The following NEGR1 variants were observed in gnomAD, a reference collection of about 807,000 sequenced individuals.
NEGR1 encodes the protein neuronal growth regulator 1.
A neutral mutation model predicts 40.9 loss-of-function variants in NEGR1; 10 were observed. The observed-to-expected ratio is 0.24, with a 90% CI of 0.15 to 0.42. The LOEUF is 0.42. Among genes scored for constraint, NEGR1 ranks in the 10% least tolerant of loss-of-function variants. The pLI is 1.00. For synonymous variants in NEGR1, 185 were observed against 166.8 expected, an observed-to-expected ratio of 1.11 and a Z score of -0.84; for missense variants, 352 against 438.9, an observed-to-expected ratio of 0.80 and a Z score of 1.77.
intron 6 of NEGR1, among the ~76,000 whole-genome samples, chr1:71,428,850 C>A (rs1015821449): frequency 2.6e-5 from 4 of 151,656 alleles, no homozygotes; most frequent in Non-Finnish European, 5.9e-5. Flanking sequence ...CAGAGATAAG[C>A]AACAAATGTA....
intron 2 of NEGR1, among the ~76,000 whole-genome samples, chr1:71,815,732 TA>T (rs1658180660): frequency 6.6e-6 from 1 of 152,064 alleles, no homozygotes; most frequent in Non-Finnish European, 1.5e-5. Flanking sequence ...TTCTAATTAG[TA>T]GGTATCTCCC....
chr1:71,917,830 T>C (rs1661633144), intron 2 of NEGR1, among the ~76,000 whole-genome samples: 1 of 147,850 alleles, frequency 6.8e-6, no homozygotes, highest in Non-Finnish European at 1.5e-5. Flanking sequence ...AGCGGCCAAA[T>C]TGAACAGCAA....
At chr1:71,563,638 G>C (rs1648529394) in intron 6 of NEGR1, among the ~76,000 whole-genome samples, 3 of 151,972 alleles carry the variant, frequency 2.0e-5, no homozygotes, top group Admixed American at 2.0e-4. Flanking sequence ...AGATATGTAA[G>C]AGAAAGATTT....
At chr1:72,067,954 T>C (rs1647317583) in intron 1 of NEGR1, among the ~76,000 whole-genome samples, 1 of 152,182 alleles carries the variant, frequency 6.6e-6, no homozygotes, top group Admixed American at 6.5e-5. Context: ...TATTCAGTTG[T>C]GAAATGTATA....
intron 1 of NEGR1, among the ~76,000 whole-genome samples, chr1:72,142,272 CAAT>C (rs1650709723): frequency 6.6e-6 from 1 of 151,566 alleles, no homozygotes; most frequent in South Asian, 2.1e-4. Context: ...AAGCAAAACG[CAAT>C]TCTGAAAGAT....
intron 4 of NEGR1, among the ~76,000 whole-genome samples, chr1:71,623,074 T>C (rs1392211271): frequency 6.6e-6 from 1 of 151,754 alleles, no homozygotes; most frequent in African/African-American, 2.4e-5. Flanking sequence ...GCTAATATAT[T>C]CTAAAGAATT....
chr1:72,156,407 AT>A (rs1360391465), intron 1 of NEGR1, among the ~76,000 whole-genome samples: 1 of 152,148 alleles, frequency 6.6e-6, no homozygotes, highest in Admixed American at 6.6e-5. Flanking sequence ...CACAAACCAC[AT>A]TTTTGAAAGC....
intron 1 of NEGR1, among the ~76,000 whole-genome samples, chr1:72,190,841 C>G (rs533835313): frequency 4.0e-5 from 6 of 151,542 alleles, no homozygotes; most frequent in Admixed American, 2.0e-4. Context: ...GATATGTATG[C>G]AAAAATTAAC....
chr1:71,544,200 T>C (rs1647811424), intron 6 of NEGR1, among the ~76,000 whole-genome samples: 1 of 151,754 alleles, frequency 6.6e-6, no homozygotes, highest in East Asian at 2.0e-4. Context: ...AATGTTTATT[T>C]ATCTAAATCA....
At chr1:71,794,256 C>T (rs1657234840) in intron 2 of NEGR1, 1 of 152,026 alleles carries the variant, frequency 6.6e-6, no homozygotes, top group Non-Finnish European at 1.5e-5. Context: ...ATTTTATTTA[C>T]AGAATTAAAA....
intron 1 of NEGR1, among the ~76,000 whole-genome samples, chr1:72,280,594 G>GT (rs752884095): frequency 8.5e-4 from 129 of 151,318 alleles, no homozygotes; most frequent in African/African-American, 1.4e-3. Flanking sequence ...ACAATGAAAA[G>GT]TTTTTTTTTA....
intron 3 of NEGR1, among the ~76,000 whole-genome samples, chr1:71,744,277 C>G (rs1257217638): frequency 7.5e-5 from 7 of 93,822 alleles, no homozygotes. Context: ...ATGTTTATGA[C>G]AAATAACATA....
intron 5 of NEGR1, among the ~76,000 whole-genome samples, chr1:71,599,671 T>C (rs1649851704): frequency 6.6e-6 from 1 of 152,234 alleles, no homozygotes; most frequent in Non-Finnish European, 1.5e-5. Flanking sequence ...AAATTAATGT[T>C]ATTATAATAT....
At chr1:72,218,746 AAAG>A (rs1653910645) in intron 1 of NEGR1, among the ~76,000 whole-genome samples, 1 of 152,034 alleles carries the variant, frequency 6.6e-6, no homozygotes, top group Admixed American at 6.6e-5. Flanking sequence ...GACAAGTGTG[AAAG>A]AAGAAGCTTA....
At chr1:71,797,399 A>T (rs1185557570) in intron 2 of NEGR1, among the ~76,000 whole-genome samples, 1 of 152,112 alleles carries the variant, frequency 6.6e-6, no homozygotes, top group Non-Finnish European at 1.5e-5. Flanking sequence ...TCAAAATGAA[A>T]ATATCCAATA....
At chr1:72,199,928 T>A (rs1653144208) in intron 1 of NEGR1, among the ~76,000 whole-genome samples, 1 of 151,836 alleles carries the variant, frequency 6.6e-6, no homozygotes, top group Non-Finnish European at 1.5e-5. Flanking sequence ...GAAAAAATGC[T>A]CATCATTGCT....
At chr1:71,846,543 C>T (rs889277439) in intron 2 of NEGR1, among the ~76,000 whole-genome samples, 1 of 152,080 alleles carries the variant, frequency 6.6e-6, no homozygotes, top group Non-Finnish European at 1.5e-5. Flanking sequence ...TCACTTCATC[C>T]CATACCCTTG....
intron 1 of NEGR1, among the ~76,000 whole-genome samples, chr1:72,211,919 G>A (rs542175081): frequency 1.3e-5 from 2 of 151,674 alleles, no homozygotes; most frequent in South Asian, 2.1e-4. Flanking sequence ...CTTTACAAAG[G>A]CTTTTTTCTA....
chr1:71,884,028 A>T (rs1284988101), intron 2 of NEGR1, among the ~76,000 whole-genome samples: 1 of 151,990 alleles, frequency 6.6e-6, no homozygotes, highest in Non-Finnish European at 1.5e-5. Context: ...ACTCTTTTGT[A>T]TCCTTAACCA....
Sources: allele counts gnomAD v4.1 joint callset (sites outside exome capture counted in the v4.1 genomes callset), GRCh38; gene constraint gnomAD v4.1.1; transcripts MANE v1.5; gene names NCBI Gene and HGNC (gene_info 2026-07-23, HGNC 2026-07-21).